SLC4A10: variants seen among roughly 807,000 people sequenced by gnomAD.
SLC4A10 encodes sodium-driven chloride bicarbonate exchanger.
A neutral mutation model predicts 137.7 loss-of-function variants in SLC4A10; 42 were observed. The observed-to-expected ratio is 0.30, with a 90% CI of 0.24 to 0.39. The LOEUF is 0.39. Ranked by LOEUF, SLC4A10 falls within the 10% of genes least tolerant of loss-of-function variation. SLC4A10 has a pLI of 1.00. For missense variants in SLC4A10, 925 were observed against 1,355.0 expected, an observed-to-expected ratio of 0.68 and a Z score of 4.98; for synonymous variants, 474 against 464.1, an observed-to-expected ratio of 1.02 and a Z score of -0.27.
At chr2:161,903,305 C>T (rs1037414635) in intron 12 of SLC4A10, among the ~76,000 whole-genome samples, 14 of 152,018 alleles carry the variant, frequency 9.2e-5, no homozygotes, top group African/African-American at 2.4e-4. Context: ...GATATGTTAA[C>T]GCAATAGTGG....
intron 18 of SLC4A10, 123 bp from the exon 19 acceptor site, chr2:161,950,564 A>C: frequency 1.3e-6 from 1 of 778,328 alleles, no homozygotes; most frequent in Admixed American, 3.3e-5. Context: ...ATTATTATTT[A>C]TTATAGGCCA....
chr2:161,910,914 C>T (rs139825660), intron 15 of SLC4A10, among the ~76,000 whole-genome samples: 9 of 151,864 alleles, frequency 5.9e-5, no homozygotes, highest in East Asian at 3.9e-4. Context: ...TTCATTCTCA[C>T]GGTCCCTAAT....
chr2:161,901,869 C>G (rs767725006), intron 12 of SLC4A10, among the ~76,000 whole-genome samples: 82 of 152,134 alleles, frequency 5.4e-4, no homozygotes, highest in Non-Finnish European at 9.3e-4. Flanking sequence ...TTTCCCTTCA[C>G]TGGAAGCTTT....
intron 10 of SLC4A10, among the ~76,000 whole-genome samples, chr2:161,891,558 C>G (rs1433563187): frequency 6.6e-6 from 1 of 151,958 alleles, no homozygotes; most frequent in African/African-American, 2.4e-5. Context: ...TCTTCACTCT[C>G]TAATATCCTT....
At chr2:161,641,895 A>G (rs1005939196) in intron 1 of SLC4A10, among the ~76,000 whole-genome samples, 4 of 152,058 alleles carry the variant, frequency 2.6e-5, no homozygotes, top group Non-Finnish European at 4.4e-5. Context: ...TAATTATACA[A>G]TATTCATTTA....
At chr2:161,888,146 T>G (rs2062517207) in intron 10 of SLC4A10, among the ~76,000 whole-genome samples, 1 of 152,192 alleles carries the variant, frequency 6.6e-6, no homozygotes, top group African/African-American at 2.4e-5. Flanking sequence ...GTCTCTGTTC[T>G]GTTCCATTGG....
chr2:161,907,416 G>A (rs1369729929), intron 15 of SLC4A10, among the ~76,000 whole-genome samples: 1 of 152,212 alleles, frequency 6.6e-6, no homozygotes. Context: ...GCTGGGATAT[G>A]TAATTATCTC....
Position 161,976,840 on chromosome 2 carries a change from A to T in SLC4A10, c.3308A>T (p.Asn1103Ile). 6.2e-7 allele frequency: 1 copy of T among 1,602,588 alleles called. No individual in the cohort carries two copies. Among genetic ancestry groups the T allele is most frequent in the Non-Finnish European group, 8.5e-7 (1 of 1,174,222 alleles). Reference protein sequence around the residue: ...LWRNLLITADNSKDKESSFPS... With the variant: ...LWRNLLITADISKDKESSFPS... ...AGGAACCTTCTGATTACTGCCGATA[A>T]CTCAAAAGATAAGGAGTCAAGCTTT... Residue 1103 changes from asparagine (N) to isoleucine (I), a missense_variant, in exon 25 of 27, where the codon AAC becomes ATC. By Grantham distance (149) the Asn-to-Ile change is moderately radical (BLOSUM62 -3). This residue lies in a region of SLC4A10 where 84 missense variants were observed against 76.9 expected (regional missense o/e 1.09). Transcript: ENST00000446997.
chr2:161,783,434 T>C (rs932726139), intron 2 of SLC4A10, among the ~76,000 whole-genome samples: 5 of 151,882 alleles, frequency 3.3e-5, no homozygotes, highest in African/African-American at 1.2e-4. Flanking sequence ...ATAAAAGTAT[T>C]GGTAAAGGTA....
chr2:161,860,543 AT>A (rs1224396566), intron 5 of SLC4A10, among the ~76,000 whole-genome samples: 2 of 152,118 alleles, frequency 1.3e-5, no homozygotes, highest in African/African-American at 4.8e-5. Flanking sequence ...TTTTATATAC[AT>A]TTTTCCATCT....
chr2:161,841,598 T>C (rs938060818), intron 4 of SLC4A10, among the ~76,000 whole-genome samples: 1 of 152,240 alleles, frequency 6.6e-6, no homozygotes, highest in Non-Finnish European at 1.5e-5. Flanking sequence ...AAAAGAATGT[T>C]GTGAATAACA....
At chr2:161,956,904 G>T in intron 19 of SLC4A10, 85 bp from the exon 20 acceptor site, 1 of 1,390,092 alleles carries the variant, frequency 7.2e-7, no homozygotes, top group Non-Finnish European at 9.6e-7. Context: ...AGTATCATCA[G>T]GAAGTGGTTT....
At chr2:161,700,651 A>G (rs1050439641) in intron 1 of SLC4A10, among the ~76,000 whole-genome samples, 11 of 152,104 alleles carry the variant, frequency 7.2e-5, no homozygotes, top group Admixed American at 4.6e-4. Context: ...AGGTAAAACA[A>G]TATTAACTGT....
chr2:161,952,018 A>G (rs1694891020), intron 19 of SLC4A10, among the ~76,000 whole-genome samples: 1 of 152,250 alleles, frequency 6.6e-6, no homozygotes, highest in East Asian at 1.9e-4. Context: ...CAACTAAAAA[A>G]CCTGTTTTAG....
intron 10 of SLC4A10, among the ~76,000 whole-genome samples, chr2:161,884,296 A>G (rs1388137736): frequency 6.6e-6 from 1 of 152,180 alleles, no homozygotes; most frequent in Admixed American, 6.6e-5. Context: ...GGGGCATGAG[A>G]CACGTGATAA....
chr2:161,903,904 G>A (rs1445130602), intron 12 of SLC4A10, 100 bp from the exon 13 acceptor site: 1 of 1,227,690 alleles, frequency 8.1e-7, no homozygotes, highest in Non-Finnish European at 1.1e-6. Flanking sequence ...TCTGCTGATG[G>A]AAAACGTATA....
chr2:161,714,034 C>T (rs893979989), intron 1 of SLC4A10, among the ~76,000 whole-genome samples: 1 of 151,846 alleles, frequency 6.6e-6, no homozygotes, highest in African/African-American at 2.4e-5. Flanking sequence ...AGAAGTAAAA[C>T]TCCTGGAATT....
chr2:161,821,553 CAGG>C (rs1364805530), intron 3 of SLC4A10, among the ~76,000 whole-genome samples: 1 of 152,152 alleles, frequency 6.6e-6, no homozygotes, highest in African/African-American at 2.4e-5. Flanking sequence ...TGCTTGAGCC[CAGG>C]AGTTCAGGGT....
chr2:161,702,179 G>C (rs1236357069), intron 1 of SLC4A10, among the ~76,000 whole-genome samples: 1 of 151,814 alleles, frequency 6.6e-6, no homozygotes, highest in African/African-American at 2.4e-5. Flanking sequence ...AATGGATAAA[G>C]AAAATGTGGT....
Sources: allele counts gnomAD v4.1 joint callset (sites outside exome capture counted in the v4.1 genomes callset), GRCh38; gene constraint gnomAD v4.1.1; regional missense constraint gnomAD v4.1.1; transcripts MANE v1.5; gene names NCBI Gene and HGNC (gene_info 2026-07-23, HGNC 2026-07-21).